Variants in WFDC3 observed in about 807,000 individuals in gnomAD.
WFDC3 encodes WAP four-disulfide core domain protein 3.
WFDC3 carries 15 observed loss-of-function variants against 25.8 expected under a neutral mutation model. The observed-to-expected ratio is 0.58, with a 90% CI of 0.39 to 0.89. The LOEUF (loss-of-function observed/expected upper bound fraction) is 0.89. Among genes scored for constraint, WFDC3 ranks in the 40% least tolerant of loss-of-function variants. The pLI, the probability that WFDC3 is intolerant of heterozygous loss-of-function variation, is 0.00. For missense variants in WFDC3, 264 were observed against 289.8 expected (o/e 0.91, Z 0.65); for synonymous variants, 103 against 107.1 (o/e 0.96, Z 0.24).
chr20:45,784,066 G>T (rs1448549790), intron 4 of WFDC3, among the ~76,000 whole-genome samples: 2 of 152,186 alleles, frequency 1.3e-5, no homozygotes, highest in East Asian at 1.9e-4. Context: ...AGCTCACAAA[G>T]GTACTGTGCC....
chr20:45,783,208 C>T (rs1185969785), intron 4 of WFDC3, among the ~76,000 whole-genome samples: 1 of 152,104 alleles, frequency 6.6e-6, no homozygotes, highest in Admixed American at 6.6e-5. Flanking sequence ...ATAGGTCAGG[C>T]ATCAGATAGG....
chr20:45,775,696 A>C (rs1478053212), intron 5 of WFDC3, 94 bp from the exon 6 acceptor site: 1 of 1,505,856 alleles, frequency 6.6e-7, no homozygotes, highest in Admixed American at 1.8e-5. Flanking sequence ...GCTCTAGGTC[A>C]ATCAACCCCT....
rs1413168659 is a variant in WFDC3, at chr20:45,789,133, C to T, written c.83-74G>A. 15 of 1,576,474 alleles carry T rather than the reference C, an allele frequency of 9.5e-6. No individual in the cohort carries two copies. The Admixed American group carries it at 2.9e-4, about 30-fold the overall frequency. ...ATGGGGAATGGACCTTCAGCCCCTC[C>T]AGGCATCTCTATCCAAAATATTTCT... On this transcript the variant is annotated intron_variant, in intron 2 of 6. Coordinates refer to ENST00000243938, the MANE Select transcript of WFDC3 (RefSeq NM_080614.2).
At chr20:45,781,833 GTACAAA>G (rs1980459253) in intron 4 of WFDC3, among the ~76,000 whole-genome samples, 1 of 152,208 alleles carries the variant, frequency 6.6e-6, no homozygotes, top group South Asian at 2.1e-4. Context: ...AGTTAGAGTA[GTACAAA>G]TACCCACAAA....
Position 45,789,972 on chromosome 20 carries a change from T to A in WFDC3, c.4A>T (p.Met2Leu), listed in dbSNP as rs781622857. 6.2e-7 allele frequency: 1 copy of A among 1,614,004 alleles called. No individual in the cohort carries two copies. Among genetic ancestry groups the A allele is most frequent in the Admixed American group, 1.7e-5 (1 of 60,022 alleles). The change falls in exon 2 of 7, where the codon ATG becomes TTG. Residue 2 changes from methionine to leucine, a missense_variant. Coordinates refer to ENST00000243938, the MANE Select transcript of WFDC3 (RefSeq NM_080614.2). ...TTCAGAAGAAAGAGGCAGCTTAACA[T>A]CATGATGATGCTGAGAGTTGGGACA... M[M>L]LSCLFLLKAL...
rs773692898 is a variant in WFDC3 at position 45,789,037 on chromosome 20, G to A, written c.105C>T (p.Pro35=). ...GEHAKEGECP[P]HKNPCKELCQ... ...ACAGCTCTTTGCATGGGTTCTTATGGGGAGGGCATTCTCCCTCTTTTGCTG... is the reference window on the plus strand; with the variant it reads ...ACAGCTCTTTGCATGGGTTCTTATGAGGAGGGCATTCTCCCTCTTTTGCTG... Residue 35 remains proline (P), a synonymous_variant, in exon 3 of 7, where the codon CCC becomes CCT. Transcript: ENST00000243938. 17 of 1,612,150 alleles carry A rather than the reference G, an allele frequency of 1.1e-5. No individual in the cohort carries two copies. In the Admixed American group the frequency reaches 1.2e-4, roughly 11 times the overall value.
chr20:45,784,944 C>T (rs1980603766), intron 4 of WFDC3, among the ~76,000 whole-genome samples: 1 of 152,212 alleles, frequency 6.6e-6, no homozygotes, highest in Admixed American at 6.5e-5. Flanking sequence ...TGGCAAACCT[C>T]AGGCTTGAAC....
At position 45,791,873 on chromosome 20, in the gene WFDC3, T is replaced by C; in HGVS notation, c.-49A>G. On this transcript the variant is annotated 5_prime_UTR_variant, in exon 1 of 7. Transcript: ENST00000243938. ...ACTGTCCTGGGCGAGGCGCGGCGGTTCGGTTCCCATGGTAACCCCGCAGCT... is the reference window on the plus strand; with the variant it reads ...ACTGTCCTGGGCGAGGCGCGGCGGTCCGGTTCCCATGGTAACCCCGCAGCT... The C allele has an allele frequency of 1.7e-6, 1 of 587,058 alleles. No homozygotes were observed. The highest frequency in any genetic ancestry group is 2.5e-6 in the Non-Finnish European group (1 of 399,164). 36.4% of individuals were successfully genotyped at this position (587,058 alleles called of 1,614,324 possible).
chr20:45,780,605 G>A (rs1980399593), intron 4 of WFDC3, among the ~76,000 whole-genome samples: 1 of 152,056 alleles, frequency 6.6e-6, no homozygotes, highest in African/African-American at 2.4e-5. Flanking sequence ...AGCCAGAATG[G>A]GGATGACGGT....
chr20:45,778,491 T>C (rs1180827524), intron 4 of WFDC3, among the ~76,000 whole-genome samples: 2 of 152,238 alleles, frequency 1.3e-5, no homozygotes, highest in East Asian at 1.9e-4. Flanking sequence ...TGTTTCCCCA[T>C]ACTCTCTTGC....
chr20:45,782,578 A>G (rs1190716822), intron 4 of WFDC3, among the ~76,000 whole-genome samples: 3 of 151,910 alleles, frequency 2.0e-5, no homozygotes, highest in Non-Finnish European at 4.4e-5. Flanking sequence ...GGGTTTCACC[A>G]TGTTGGCCAG....
chr20:45,774,971 C>T (rs1405924458), intron 6 of WFDC3, among the ~76,000 whole-genome samples: 3 of 149,984 alleles, frequency 2.0e-5, no homozygotes, highest in East Asian at 2.0e-4. Context: ...ACTGGAGATA[C>T]GTCTGTTCCT....
rs371436629 is a variant in WFDC3 at position 45,788,544 on chromosome 20, A to C, written c.211+387T>G. On this transcript the variant is annotated intron_variant, in intron 3 of 6. Transcript: ENST00000243938. The stretch of plus-strand genomic sequence containing the variant: ...CCTCACAATTATCCCCATTTTATAG[A>C]TGAGGAAACTGAGGCTAAAAGCTTA... 2.1e-4 allele frequency: 36 copies of C among 167,968 alleles called. No homozygotes were observed. In the East Asian group the frequency reaches 4.5e-3, roughly 21 times the overall value. 10.4% of individuals were successfully genotyped at this position (167,968 alleles called of 1,614,324 possible).
chr20:45,791,675 C>CA (rs1470751745), intron 1 of WFDC3, among the ~76,000 whole-genome samples, 157 bp downstream of exon 1: 1 of 152,206 alleles, frequency 6.6e-6, no homozygotes, highest in Non-Finnish European at 1.5e-5. Context: ...TCCCCAACCC[C>CA]AGCCTACAGA....
chr20:45,781,106 G>A (rs1043725390), intron 4 of WFDC3, among the ~76,000 whole-genome samples: 3 of 149,654 alleles, frequency 2.0e-5, no homozygotes, highest in Non-Finnish European at 3.0e-5. Flanking sequence ...AAAAAAAGCC[G>A]GGTGTGGTGA....
chr20:45,778,701 T>C (rs999081573), intron 4 of WFDC3: 4 of 151,990 alleles, frequency 2.6e-5, no homozygotes, highest in African/African-American at 9.7e-5. Flanking sequence ...CAAAGAGGTG[T>C]TGTATGAAAG....
chr20:45,787,922 G>GT lies in WFDC3; in HGVS notation c.271dup (p.Thr91AsnfsTer2), dbSNP rs1980762802. ...CTTTACACCTGGACATGTCTCATCAGTGATGCACCTTTTCAAACAGGATTG... is the reference window on the plus strand; with the variant it reads ...CTTTACACCTGGACATGTCTCATCAGTTGATGCACCTTTTCAAACAGGATTG... On this transcript the variant is annotated frameshift_variant, in exon 4 of 7. Coordinates refer to ENST00000243938, the MANE Select transcript of WFDC3 (RefSeq NM_080614.2). LOFTEE classifies it high-confidence loss of function. 6.2e-7 allele frequency: 1 copy of GT among 1,614,022 alleles called. No individual in the cohort carries two copies. Among genetic ancestry groups the GT allele is most frequent in the South Asian group, 1.1e-5 (1 of 91,066 alleles).
chr20:45,787,658 C>T (rs1353190572), intron 4 of WFDC3, among the ~76,000 whole-genome samples, 178 bp downstream of exon 4: 2 of 152,052 alleles, frequency 1.3e-5, no homozygotes, highest in Non-Finnish European at 2.9e-5. Flanking sequence ...CACCCTCCCT[C>T]TGCCTGCCCA....
At chr20:45,774,505 G>T in intron 6 of WFDC3, 61 bp from the exon 7 acceptor site, 1 of 1,612,796 alleles carries the variant, frequency 6.2e-7, no homozygotes, top group Non-Finnish European at 8.5e-7. Flanking sequence ...TACCTGAAAT[G>T]TTTTCCCTCC....
Sources: gnomAD v4.1 joint callset for allele counts (sites outside exome capture counted in the v4.1 genomes callset) on GRCh38, gnomAD v4.1.1 for gene constraint, MANE v1.5 for transcripts, NCBI Gene and HGNC (gene_info 2026-07-23, HGNC 2026-07-21) for gene names.